Variants in CDC14A observed in about 807,000 individuals in gnomAD.
CDC14A encodes the protein dual specificity protein phosphatase CDC14A.
In CDC14A, 53 loss-of-function variants were observed where a neutral mutation model predicts 74.4. That is an observed-to-expected ratio of 0.71 (90% CI 0.57 to 0.89). The LOEUF is 0.89. CDC14A is among the 40% of genes least tolerant of loss of function. The pLI is 0.00. For synonymous variants in CDC14A, 247 were observed against 258.4 expected (o/e 0.96, Z 0.43); for missense variants, 646 against 713.7 (o/e 0.91, Z 1.08).
At chr1:100,345,845 T>C (rs1650364428) in intron 1 of CDC14A, among the ~76,000 whole-genome samples, 1 of 152,222 alleles carries the variant, frequency 6.6e-6, no homozygotes. Context: ...AGTAGAAACA[T>C]TATTAAATGT....
At chr1:100,484,825 G>T (rs974574372) in intron 11 of CDC14A, 94 of 986,482 alleles carry the variant, frequency 9.5e-5, no homozygotes, top group Non-Finnish European at 1.1e-4. Context: ...TCAAATTCAT[G>T]CTGATTTCTA....
At chr1:100,501,067 G>C (rs182676893) in intron 15 of CDC14A, among the ~76,000 whole-genome samples, 2 of 152,098 alleles carry the variant, frequency 1.3e-5, no homozygotes, top group East Asian at 3.9e-4. Flanking sequence ...GAAATTGCCA[G>C]CCCATCTACC....
chr1:100,471,542 A>AT (rs1160419066), intron 10 of CDC14A, among the ~76,000 whole-genome samples: 10 of 152,268 alleles, frequency 6.6e-5, no homozygotes, highest in Non-Finnish European at 1.3e-4. Context: ...AAAGATAAAG[A>AT]TTATCTTGAA....
intron 4 of CDC14A, among the ~76,000 whole-genome samples, chr1:100,406,095 A>G (rs974486291): frequency 6.6e-6 from 1 of 152,108 alleles, no homozygotes; most frequent in Non-Finnish European, 1.5e-5. Context: ...ATGGTATCTC[A>G]TTGTGGTTTT....
intron 3 of CDC14A, among the ~76,000 whole-genome samples, chr1:100,380,822 A>G (rs899589602): frequency 2.6e-5 from 4 of 152,050 alleles, no homozygotes; most frequent in Admixed American, 1.3e-4. Context: ...ACTTTACTCT[A>G]CCATACCAGC....
intron 3 of CDC14A, among the ~76,000 whole-genome samples, chr1:100,389,538 G>A (rs960363406): frequency 3.3e-5 from 5 of 151,826 alleles, no homozygotes; most frequent in Non-Finnish European, 7.4e-5. Context: ...AAGATTTCCT[G>A]GCTCATTGGA....
Position 100,420,063 on chromosome 1 carries a change from C to CACATATATATAT in CDC14A, c.310-4158_310-4157insCATATATATATA. The stretch of plus-strand genomic sequence containing the variant: ...ACACACACACACACACACACACACA[C>CACATATATATAT]ATATATATATATATATATAGTGTGT... On this transcript the variant is annotated intron_variant, in intron 4 of 15. Transcript: ENST00000336454. Among the ~76,000 whole-genome samples, 104 of 61,574 alleles carry CACATATATATAT rather than the reference C, an allele frequency of 1.7e-3. 1 individual carries two copies. Among genetic ancestry groups the CACATATATATAT allele is most frequent in the South Asian group, 8.9e-3 (10 of 1,120 alleles). 40.4% of individuals were successfully genotyped at this position (61,574 alleles called of 152,430 possible).
At chr1:100,371,334 T>A (rs563570776) in intron 2 of CDC14A, among the ~76,000 whole-genome samples, 9 of 152,310 alleles carry the variant, frequency 5.9e-5, no homozygotes, top group African/African-American at 2.2e-4. Flanking sequence ...TAGTACTGTG[T>A]TAAATAGGAG....
chr1:100,454,839 T>C (rs1666520026), intron 7 of CDC14A, among the ~76,000 whole-genome samples: 1 of 152,124 alleles, frequency 6.6e-6, no homozygotes, highest in African/African-American at 2.4e-5. Flanking sequence ...AATCTTGTTA[T>C]CCTCCAGAGT....
chr1:100,503,710 TG>T (rs1397618434), intron 15 of CDC14A, among the ~76,000 whole-genome samples: 5 of 152,236 alleles, frequency 3.3e-5, no homozygotes, highest in Non-Finnish European at 1.5e-5. Flanking sequence ...GTTACATTTT[TG>T]TTGACCCACT....
At chr1:100,444,572 T>C (rs192478262) in intron 7 of CDC14A, among the ~76,000 whole-genome samples, 14 of 152,310 alleles carry the variant, frequency 9.2e-5, no homozygotes, top group African/African-American at 3.1e-4. Context: ...GCTTAGTTAC[T>C]GTTTCTTGAA....
At chr1:100,393,151 T>C (rs964160528) in intron 4 of CDC14A, 7 of 1,532,190 alleles carry the variant, frequency 4.6e-6, no homozygotes, top group Middle Eastern at 1.7e-4. Flanking sequence ...ACTACAGATA[T>C]CCAATTTGAC....
chr1:100,455,769 A>C (rs1185417582), intron 8 of CDC14A, among the ~76,000 whole-genome samples: 1 of 152,216 alleles, frequency 6.6e-6, no homozygotes, highest in African/African-American at 2.4e-5. Flanking sequence ...TCTGAGAAAC[A>C]AACTGGTCAA....
At chr1:100,399,949 T>TA (rs1314510666) in intron 4 of CDC14A, among the ~76,000 whole-genome samples, 1 of 152,214 alleles carries the variant, frequency 6.6e-6, no homozygotes, top group Non-Finnish European at 1.5e-5. Flanking sequence ...CAAGTTTCTG[T>TA]AAAAAATTAG....
intron 4 of CDC14A, among the ~76,000 whole-genome samples, chr1:100,402,440 T>C (rs1659390050): frequency 6.6e-6 from 1 of 152,118 alleles, no homozygotes; most frequent in Admixed American, 6.5e-5. Flanking sequence ...TTTTGAAAAA[T>C]GAGGTTATTT....
intron 5 of CDC14A, among the ~76,000 whole-genome samples, chr1:100,427,902 G>A (rs1663146928): frequency 6.6e-6 from 1 of 152,154 alleles, no homozygotes; most frequent in Non-Finnish European, 1.5e-5. Context: ...GAAATGGGGG[G>A]GTAGGAGAAG....
intron 7 of CDC14A, among the ~76,000 whole-genome samples, chr1:100,450,401 G>A (rs763877219): frequency 2.6e-5 from 4 of 152,126 alleles, no homozygotes; most frequent in Non-Finnish European, 5.9e-5. Flanking sequence ...TTACATGTTG[G>A]TGGATTATGG....
At chr1:100,367,055 C>A (rs1236201975) in intron 2 of CDC14A, among the ~76,000 whole-genome samples, 1 of 152,190 alleles carries the variant, frequency 6.6e-6, no homozygotes, top group African/African-American at 2.4e-5. Context: ...CTCTGGAAGC[C>A]TTTTCCTAGG....
intron 3 of CDC14A, among the ~76,000 whole-genome samples, chr1:100,386,808 T>C (rs557520507): frequency 2.8e-4 from 43 of 152,328 alleles, no homozygotes; most frequent in African/African-American, 9.9e-4. Flanking sequence ...TCCTGTCCTA[T>C]TGTCTCCAAA....
Sources: allele counts gnomAD v4.1 joint callset (sites outside exome capture counted in the v4.1 genomes callset), GRCh38; gene constraint gnomAD v4.1.1; transcripts MANE v1.5; gene names NCBI Gene and HGNC (gene_info 2026-07-23, HGNC 2026-07-21).